Variants in LY86 observed in about 807,000 individuals in gnomAD.
LY86 encodes lymphocyte antigen 86, also known as MD-1, RP105-associated.
In LY86, 20 loss-of-function variants were observed where a neutral mutation model predicts 17.3. The ratio of observed to expected loss-of-function variants is 1.15; its 90% CI spans 0.81 to 1.68. The LOEUF (loss-of-function observed/expected upper bound fraction) is 1.68. LY86 is among the 40% of genes most tolerant of loss of function. The pLI is 0.00. For missense variants in LY86, 200 were observed against 191.9 expected, an observed-to-expected ratio of 1.04 and a Z score of -0.25; for synonymous variants, 74 against 70.6, an observed-to-expected ratio of 1.05 and a Z score of -0.24.
intron 1 of LY86, among the ~76,000 whole-genome samples, chr6:6,589,739 G>A (rs192528903): frequency 0.023 from 3,417 of 151,834 alleles, 129 homozygotes; most frequent in African/African-American, 0.078. Context: ...GTACATCTGT[G>A]TCCTCATCTC....
chr6:6,650,523 CAG>C (rs1294537273), intron 4 of LY86, among the ~76,000 whole-genome samples: 1 of 152,102 alleles, frequency 6.6e-6, no homozygotes, highest in Non-Finnish European at 1.5e-5. Flanking sequence ...TTAGTAGAAA[CAG>C]GGTTTCACCA....
intron 1 of LY86, among the ~76,000 whole-genome samples, chr6:6,612,943 T>A (rs1178916828): frequency 2.6e-5 from 4 of 151,668 alleles, no homozygotes; most frequent in Non-Finnish European, 5.9e-5. Flanking sequence ...AATTGGTGCA[T>A]TCACAAACTC....
rs369905756 is a variant in LY86, at chr6:6,589,152, AAG to A, written c.136+284_136+285del. Among the ~76,000 whole-genome samples the A allele has an allele frequency of 2.2e-4, 33 of 152,332 alleles. No individual in the cohort carries two copies. In the East Asian group the frequency reaches 5.4e-3, roughly 25 times the overall value. ...TTTACTAACACCACAGAACCCAAAA[AAG>A]AACAAAATGATCAGTGAGTCTACCA... On this transcript the variant is annotated intron_variant, in intron 1 of 4. Coordinates refer to ENST00000230568, the MANE Select transcript of LY86 (RefSeq NM_004271.4).
intron 1 of LY86, among the ~76,000 whole-genome samples, chr6:6,605,754 A>G (rs982112091): frequency 3.3e-5 from 5 of 152,110 alleles, no homozygotes; most frequent in Non-Finnish European, 7.4e-5. Context: ...GTGTGTCCAG[A>G]ACTTATTCTT....
chr6:6,588,910 A>G (rs779819094), intron 1 of LY86, 40 bp downstream of exon 1: 2 of 1,602,336 alleles, frequency 1.2e-6, no homozygotes, highest in Non-Finnish European at 1.7e-6. Context: ...TTATGGGGAA[A>G]GCAAGGCCCA....
At chr6:6,606,573 G>A (rs1050203613) in intron 1 of LY86, among the ~76,000 whole-genome samples, 2 of 152,228 alleles carry the variant, frequency 1.3e-5, no homozygotes, top group South Asian at 2.1e-4. Context: ...ACGGAGCGGG[G>A]GGAGGCTCAG....
At position 6,612,555 on chromosome 6, in the gene LY86, C is replaced by CT. The variant is rs549102002; in HGVS notation, c.137-12371_137-12370insT. 4.9e-4 allele frequency among the ~76,000 whole-genome samples: 75 copies of CT among 152,274 alleles called. 1 individual carries two copies. The Middle Eastern group carries it at 0.01, about 21-fold the overall frequency. On this transcript the variant is annotated intron_variant, in intron 1 of 4. Transcript: ENST00000230568. ...AACCACACAAAAGCAACGAAACAAC[C>CT]AGTTGTCACTAGTGGAGCCTGCAGC...
At chr6:6,603,604 A>AC (rs765819931) in intron 1 of LY86, among the ~76,000 whole-genome samples, 1 of 56,174 alleles carries the variant, frequency 1.8e-5, no homozygotes, top group Non-Finnish European at 4.1e-5. Flanking sequence ...AAACAGAAAC[A>AC]GAAAAAAAAA....
intron 1 of LY86, among the ~76,000 whole-genome samples, chr6:6,593,744 G>A (rs531630350): frequency 1.3e-5 from 2 of 152,334 alleles, no homozygotes; most frequent in African/African-American, 4.8e-5. Flanking sequence ...GATGAGCGAT[G>A]AGGGGAATTT....
chr6:6,628,530 TTCTC>T (rs1195964865), intron 3 of LY86, among the ~76,000 whole-genome samples: 1 of 151,962 alleles, frequency 6.6e-6, no homozygotes, highest in Non-Finnish European at 1.5e-5. Flanking sequence ...AAGTATCCCT[TTCTC>T]TCTCTGTCTC....
intron 1 of LY86, among the ~76,000 whole-genome samples, chr6:6,624,126 G>C (rs1455476023): frequency 2.0e-5 from 3 of 152,162 alleles, no homozygotes; most frequent in Admixed American, 6.5e-5. Flanking sequence ...ATCAAACATG[G>C]TGGGAATGTG....
intron 1 of LY86, among the ~76,000 whole-genome samples, chr6:6,613,912 G>C (rs1244669805): frequency 1.3e-5 from 2 of 152,244 alleles, no homozygotes; most frequent in African/African-American, 2.4e-5. Context: ...GCAAGGTGTT[G>C]CTAGAGTGGG....
rs187525742 is a variant in LY86 at position 6,604,559 on chromosome 6, A to G, written c.136+15689A>G. 8.5e-3 allele frequency among the ~76,000 whole-genome samples: 1,302 copies of G among 152,328 alleles called. 20 individuals carry two copies. The highest frequency in any genetic ancestry group is 0.027 in the Admixed American group (416 of 15,298). On this transcript the variant is annotated intron_variant, in intron 1 of 4. Transcript: ENST00000230568. Reference sequence around the variant, plus strand: ...AAATCTACCACAGAGAAATAAAACGAAAAATATGGAGCTACAGCTATAGAA... The same window carrying G: ...AAATCTACCACAGAGAAATAAAACGGAAAATATGGAGCTACAGCTATAGAA...
chr6:6,637,561 C>T (rs1761977632), intron 3 of LY86, among the ~76,000 whole-genome samples: 1 of 152,176 alleles, frequency 6.6e-6, no homozygotes, highest in African/African-American at 2.4e-5. Flanking sequence ...CAGTGACATA[C>T]TTTGATGTAA....
chr6:6,639,282 C>T (rs552651804), intron 3 of LY86, among the ~76,000 whole-genome samples: 16 of 151,802 alleles, frequency 1.1e-4, no homozygotes, highest in Non-Finnish European at 1.5e-5. Context: ...AGGTTACATC[C>T]GTGTCATGGT....
intron 3 of LY86, among the ~76,000 whole-genome samples, chr6:6,631,874 CTTTG>C (rs770921576): frequency 1.3e-5 from 2 of 152,150 alleles, no homozygotes; most frequent in Non-Finnish European, 2.9e-5. Context: ...ATTGATTTGG[CTTTG>C]TTTAATTTAT....
At chr6:6,607,039 C>G (rs1051878699) in intron 1 of LY86, among the ~76,000 whole-genome samples, 1 of 152,218 alleles carries the variant, frequency 6.6e-6, no homozygotes, top group African/African-American at 2.4e-5. Context: ...GGGGATTGCA[C>G]GGGACGTGAA....
At chr6:6,613,174 C>T (rs1363786828) in intron 1 of LY86, among the ~76,000 whole-genome samples, 1 of 152,258 alleles carries the variant, frequency 6.6e-6, no homozygotes, top group Non-Finnish European at 1.5e-5. Context: ...CATAAAGATT[C>T]TCCAAGTTCC....
chr6:6,613,587 C>G (rs1003220102), intron 1 of LY86, among the ~76,000 whole-genome samples: 2 of 152,178 alleles, frequency 1.3e-5, no homozygotes, highest in African/African-American at 4.8e-5. Flanking sequence ...CGCTCTGGCC[C>G]GCAAGCGCCG....
Sources: gnomAD v4.1 joint callset for allele counts (sites outside exome capture counted in the v4.1 genomes callset) on GRCh38, gnomAD v4.1.1 for gene constraint, MANE v1.5 for transcripts, NCBI Gene and HGNC (gene_info 2026-07-23, HGNC 2026-07-21) for gene names.